The following SNX29 variants were observed in gnomAD, a reference collection of about 807,000 sequenced individuals.
SNX29 encodes sorting nexin 29.
A neutral mutation model predicts 102.1 loss-of-function variants in SNX29; 78 were observed. The observed-to-expected ratio is 0.76, with a 90% CI of 0.64 to 0.92. The LOEUF is 0.92. SNX29 is among the 40% of genes least tolerant of loss of function. The pLI, the probability that SNX29 is intolerant of heterozygous loss-of-function variation, is 0.00. For missense variants in SNX29, 1,280 were observed against 1,061.7 expected, an observed-to-expected ratio of 1.21 and a Z score of -2.86; for synonymous variants, 580 against 414.5, an observed-to-expected ratio of 1.40 and a Z score of -4.85.
chr16:12,558,172 ATC>A (rs2078489733), intron 20 of SNX29, among the ~76,000 whole-genome samples: 1 of 152,132 alleles, frequency 6.6e-6, no homozygotes, highest in South Asian at 2.1e-4. Context: ...GGCGTAATGC[ATC>A]TCAGTTTTTA....
At chr16:12,475,915 G>A (rs2151811405) in intron 18 of SNX29, among the ~76,000 whole-genome samples, 1 of 152,334 alleles carries the variant, frequency 6.6e-6, no homozygotes, top group Non-Finnish European at 1.5e-5. Context: ...CCCCGATCTA[G>A]ATAATTAGTA....
At chr16:12,122,560 G>A (rs1596972276) in intron 11 of SNX29, among the ~76,000 whole-genome samples, 1 of 152,128 alleles carries the variant, frequency 6.6e-6, no homozygotes. Context: ...AACAGCCTGT[G>A]CCAAGACACA....
intron 18 of SNX29, among the ~76,000 whole-genome samples, chr16:12,472,927 T>C (rs76498210): frequency 3.5e-3 from 537 of 152,250 alleles, no homozygotes; most frequent in Non-Finnish European, 6.2e-3. Flanking sequence ...TAATCTTCTT[T>C]TGCTGAGTCA....
At chr16:12,544,353 AAGG>A (rs869034168) in intron 20 of SNX29, among the ~76,000 whole-genome samples, 32 of 152,210 alleles carry the variant, frequency 2.1e-4, no homozygotes, top group African/African-American at 7.5e-4. Context: ...TACTGTTGGA[AAGG>A]AGAAGTGATG....
In SNX29 at chr16:12,572,984, T is replaced by A; in HGVS notation, c.*4355T>A. 2 of 417,822 alleles carry A rather than the reference T, an allele frequency of 4.8e-6. No individual in the cohort carries two copies. Among genetic ancestry groups the A allele is most frequent in the Non-Finnish European group, 6.9e-6 (2 of 288,036 alleles). 25.9% of individuals were successfully genotyped at this position (417,822 alleles called of 1,614,324 possible). ...AAAGATTTTTCAAAATATTGTGCAT[T>A]AATTCATTAAAGCTACTGTTAAATA... On this transcript the variant is annotated 3_prime_UTR_variant, in exon 21 of 21. Transcript: ENST00000566228.
At chr16:12,301,538 C>T (rs1177407965) in intron 15 of SNX29, among the ~76,000 whole-genome samples, 1 of 152,240 alleles carries the variant, frequency 6.6e-6, no homozygotes, top group Admixed American at 6.5e-5. Flanking sequence ...TCCAATGGTG[C>T]CTTCTGTCTG....
chr16:12,076,234 A>G (rs1389537122), intron 10 of SNX29, among the ~76,000 whole-genome samples: 1 of 150,940 alleles, frequency 6.6e-6, no homozygotes, highest in Admixed American at 6.6e-5. Flanking sequence ...GAAATCACCC[A>G]TCTTCTGCGT....
intron 13 of SNX29, among the ~76,000 whole-genome samples, chr16:12,148,140 T>G (rs545354199): frequency 2.9e-4 from 44 of 152,304 alleles, no homozygotes; most frequent in Admixed American, 7.2e-4. Context: ...AGAAGAACTT[T>G]CCTTCAAATG....
chr16:12,000,613 T>A (rs1036310136), intron 2 of SNX29: 1 of 152,712 alleles, frequency 6.5e-6, no homozygotes, highest in East Asian at 1.9e-4. Context: ...AACCTCAAAC[T>A]CCTGGGCTCA....
chr16:12,470,300 C>T (rs529208765), intron 18 of SNX29, among the ~76,000 whole-genome samples: 1 of 152,336 alleles, frequency 6.6e-6, no homozygotes, highest in East Asian at 1.9e-4. Flanking sequence ...CATGTTGGTT[C>T]CACGTTCGCT....
At chr16:12,106,036 C>G (rs1422849351) in intron 11 of SNX29, among the ~76,000 whole-genome samples, 2 of 152,104 alleles carry the variant, frequency 1.3e-5, no homozygotes, top group Non-Finnish European at 2.9e-5. Context: ...GGGACAGAGC[C>G]AACGTTTCCA....
intron 3 of SNX29, among the ~76,000 whole-genome samples, chr16:12,013,759 C>G (rs912710312): frequency 6.6e-6 from 1 of 151,146 alleles, no homozygotes; most frequent in Non-Finnish European, 1.5e-5. Context: ...ATTCTCCTGT[C>G]TCAGCCTCCC....
At chr16:12,141,668 G>A (rs867978047) in intron 13 of SNX29, among the ~76,000 whole-genome samples, 19 of 152,326 alleles carry the variant, frequency 1.2e-4, no homozygotes, top group Middle Eastern at 6.8e-3. Flanking sequence ...GGACATTGCC[G>A]TGGCATTTGT....
intron 15 of SNX29, among the ~76,000 whole-genome samples, chr16:12,310,675 G>A (rs2080509725): frequency 6.6e-6 from 1 of 152,228 alleles, no homozygotes; most frequent in Non-Finnish European, 1.5e-5. Context: ...GAACCTTTGG[G>A]GGTGGTGGAC....
chr16:12,137,899 C>G (rs2054720545), intron 13 of SNX29, among the ~76,000 whole-genome samples: 1 of 152,302 alleles, frequency 6.6e-6, no homozygotes, highest in African/African-American at 2.4e-5. Flanking sequence ...TGCTATCTCC[C>G]CAGTTCAGAA....
chr16:12,560,295 GCA>G (rs1466273749), intron 20 of SNX29, among the ~76,000 whole-genome samples: 2 of 152,160 alleles, frequency 1.3e-5, no homozygotes, highest in Non-Finnish European at 2.9e-5. Flanking sequence ...GTTATTGAAA[GCA>G]CACTCAAAAT....
At chr16:12,350,914 C>A (rs1291222809) in intron 15 of SNX29, among the ~76,000 whole-genome samples, 1 of 152,144 alleles carries the variant, frequency 6.6e-6, no homozygotes, top group Admixed American at 6.5e-5. Flanking sequence ...TTGGGAGCCA[C>A]GAGTCTAAAC....
intron 15 of SNX29, among the ~76,000 whole-genome samples, chr16:12,345,534 A>G (rs898260889): frequency 2.0e-4 from 30 of 152,188 alleles, no homozygotes; most frequent in Admixed American, 1.9e-3. Context: ...CTTTTATTGC[A>G]TGAAAGAGCC....
intron 14 of SNX29, among the ~76,000 whole-genome samples, chr16:12,207,149 A>T (rs2077065321): frequency 6.6e-6 from 1 of 152,096 alleles, no homozygotes. Context: ...CGGGTGGATC[A>T]CCAGAGGTCA....
Sources: gnomAD v4.1 joint callset for allele counts (sites outside exome capture counted in the v4.1 genomes callset) on GRCh38, gnomAD v4.1.1 for gene constraint, MANE v1.5 for transcripts, NCBI Gene and HGNC (gene_info 2026-07-23, HGNC 2026-07-21) for gene names.